Variants in LRP1B observed in about 807,000 individuals in gnomAD.
The protein encoded by LRP1B is low-density lipoprotein receptor-related protein 1B.
Under a neutral mutation model 556.6 loss-of-function variants are expected in LRP1B, and 217 were observed. The ratio of observed to expected loss-of-function variants is 0.39; its 90% CI spans 0.35 to 0.44. The LOEUF (loss-of-function observed/expected upper bound fraction) is 0.44. Ranked by LOEUF, LRP1B falls within the 20% of genes least tolerant of loss-of-function variation. The probability of loss-of-function intolerance (pLI) is 1.00; values close to 1 mark genes in which losing one functional copy is unlikely to be tolerated. For synonymous variants in LRP1B, 2,047 were observed against 1,865.8 expected (o/e 1.10, Z -2.50); for missense variants, 5,053 against 5,620.8 (o/e 0.90, Z 3.23).
intron 3 of LRP1B, among the ~76,000 whole-genome samples, chr2:141,403,809 C>T (rs532642216): frequency 1.3e-5 from 2 of 152,164 alleles, no homozygotes; most frequent in South Asian, 2.1e-4. Flanking sequence ...TTTAGTGTGG[C>T]TTTGTATTAT....
chr2:141,405,289 T>C (rs1690594596), intron 3 of LRP1B, among the ~76,000 whole-genome samples: 1 of 152,126 alleles, frequency 6.6e-6, no homozygotes, highest in South Asian at 2.1e-4. Flanking sequence ...AGTTAGAATC[T>C]TATAGGGAAT....
At chr2:140,934,491 TG>T (rs1695145824) in intron 20 of LRP1B, among the ~76,000 whole-genome samples, 1 of 152,158 alleles carries the variant, frequency 6.6e-6, no homozygotes, top group Admixed American at 6.6e-5. Flanking sequence ...ACTGAACCCT[TG>T]CAACTTCCAG....
At chr2:141,172,126 G>C (rs940946155) in intron 7 of LRP1B, among the ~76,000 whole-genome samples, 4 of 152,076 alleles carry the variant, frequency 2.6e-5, no homozygotes, top group African/African-American at 9.7e-5. Flanking sequence ...TCACATATGA[G>C]AAGATGCTCA....
chr2:141,894,665 CTA>C (rs1699389747), intron 1 of LRP1B, among the ~76,000 whole-genome samples: 2 of 147,076 alleles, frequency 1.4e-5, no homozygotes, highest in Non-Finnish European at 3.0e-5. Flanking sequence ...AGATCTAGAT[CTA>C]GATCTAGATC....
chr2:140,492,469 T>G (rs1688742849), intron 57 of LRP1B, 139 bp downstream of exon 57: 9 of 604,288 alleles, frequency 1.5e-5, no homozygotes, highest in African/African-American at 1.5e-4. Context: ...AGATACAAAC[T>G]AAATATTTTC....
At chr2:141,593,157 G>A (rs1173681510) in intron 2 of LRP1B, among the ~76,000 whole-genome samples, 1 of 152,102 alleles carries the variant, frequency 6.6e-6, no homozygotes, top group Admixed American at 6.6e-5. Flanking sequence ...ATTTCAGAGG[G>A]TGAAGAATAT....
At position 141,865,044 on chromosome 2, in the gene LRP1B, G is replaced by A. The variant is rs372583136; in HGVS notation, c.83-54643C>T. Among the ~76,000 whole-genome samples, 34 of 152,282 alleles carry A rather than the reference G, an allele frequency of 2.2e-4. 2 individuals are homozygous for A. In the East Asian group the frequency reaches 5.8e-3, roughly 26 times the overall value. On this transcript the variant is annotated intron_variant, in intron 1 of 90. Transcript: ENST00000389484. Reference sequence around the variant, plus strand: ...AATGAAATTCTGGATTATTAGAACAGTGCAGAAATCTCCATTTTACATATT... The same window carrying A: ...AATGAAATTCTGGATTATTAGAACAATGCAGAAATCTCCATTTTACATATT...
chr2:140,264,878 A>T (rs13021878), intron 86 of LRP1B, among the ~76,000 whole-genome samples: 54,781 of 151,904 alleles, frequency 0.36, 11,426 homozygotes, highest in Non-Finnish European at 0.49. Flanking sequence ...TTAACTAGAA[A>T]AAAAGGAAGA....
chr2:141,076,092 A>T (rs1699778777), intron 7 of LRP1B, among the ~76,000 whole-genome samples: 2 of 152,344 alleles, frequency 1.3e-5, no homozygotes, highest in South Asian at 2.1e-4. Context: ...AAAGTTCTGT[A>T]AAGCAATACT....
intron 20 of LRP1B, among the ~76,000 whole-genome samples, chr2:140,945,264 C>T (rs1353155122): frequency 6.6e-6 from 1 of 152,040 alleles, no homozygotes; most frequent in Non-Finnish European, 1.5e-5. Flanking sequence ...TTGCAATAAT[C>T]AATATTATTA....
At chr2:141,577,561 G>A (rs1261163324) in intron 2 of LRP1B, among the ~76,000 whole-genome samples, 1 of 152,160 alleles carries the variant, frequency 6.6e-6, no homozygotes, top group African/African-American at 2.4e-5. Context: ...AACTTCTCAT[G>A]GCTGGATGTG....
chr2:141,472,584 G>A (rs62166285), intron 3 of LRP1B, among the ~76,000 whole-genome samples: 2,899 of 152,132 alleles, frequency 0.019, 58 homozygotes, highest in East Asian at 0.092. Flanking sequence ...ACTGAAAATA[G>A]AGTATATTGC....
At chr2:140,845,125 A>AAAACAAAC (rs530647152) in intron 29 of LRP1B, among the ~76,000 whole-genome samples, 2 of 152,240 alleles carry the variant, frequency 1.3e-5, no homozygotes, top group East Asian at 1.9e-4. Flanking sequence ...TCACTGGCAA[A>AAAACAAAC]AAACAAACAA....
chr2:140,983,380 T>C (rs1277820425), intron 17 of LRP1B, among the ~76,000 whole-genome samples: 1 of 152,080 alleles, frequency 6.6e-6, no homozygotes, highest in African/African-American at 2.4e-5. Context: ...AATAAGGGAA[T>C]CTTGCTGAGT....
At chr2:140,874,137 A>G (rs1693228984) in intron 25 of LRP1B, among the ~76,000 whole-genome samples, 2 of 152,158 alleles carry the variant, frequency 1.3e-5, no homozygotes, top group African/African-American at 4.8e-5. Flanking sequence ...CAACTTTTAT[A>G]TGATCAAGCT....
chr2:140,743,462 C>T (rs748317922), intron 35 of LRP1B, among the ~76,000 whole-genome samples: 1 of 152,142 alleles, frequency 6.6e-6, no homozygotes, highest in Non-Finnish European at 1.5e-5. Context: ...TCCAAACCTG[C>T]CCTTTAGCAG....
intron 43 of LRP1B, among the ~76,000 whole-genome samples, chr2:140,576,034 G>A (rs1304446404): frequency 6.6e-6 from 1 of 152,150 alleles, no homozygotes; most frequent in Non-Finnish European, 1.5e-5. Context: ...TGGTACTCTT[G>A]ATCTTTTGAA....
chr2:140,944,485 C>T (rs1035276323), intron 20 of LRP1B, among the ~76,000 whole-genome samples: 28 of 152,012 alleles, frequency 1.8e-4, no homozygotes, highest in African/African-American at 6.5e-4. Flanking sequence ...GCATAATATT[C>T]CTAATGAACA....
intron 85 of LRP1B, among the ~76,000 whole-genome samples, chr2:140,272,180 CAA>C (rs1409519316): frequency 2.0e-5 from 3 of 151,580 alleles, no homozygotes; most frequent in East Asian, 2.0e-4. Context: ...TACAATACAT[CAA>C]AGAGTGCAGC....
Sources: gnomAD v4.1 joint callset for allele counts (sites outside exome capture counted in the v4.1 genomes callset) on GRCh38, gnomAD v4.1.1 for gene constraint, MANE v1.5 for transcripts, NCBI Gene and HGNC (gene_info 2026-07-23, HGNC 2026-07-21) for gene names.